The following B4GALNT3 variants were observed in gnomAD, a reference collection of about 807,000 sequenced individuals.
The protein encoded by B4GALNT3 is beta-1,4-N-acetylgalactosaminyltransferase 3.
In B4GALNT3, 86 loss-of-function variants were observed where a neutral mutation model predicts 120.2. The observed-to-expected ratio is 0.72, with a 90% CI of 0.60 to 0.86. The LOEUF is 0.86. B4GALNT3 is among the 40% of genes least tolerant of loss of function. The probability of loss-of-function intolerance (pLI) is 0.00; values close to 1 mark genes in which losing one functional copy is unlikely to be tolerated. For synonymous variants in B4GALNT3, 518 were observed against 510.4 expected (o/e 1.01, Z -0.20); for missense variants, 1,167 against 1,298.9 (o/e 0.90, Z 1.56).
intron 18 of B4GALNT3, 131 bp downstream of exon 18, chr12:558,792 C>T: frequency 3.0e-6 from 3 of 1,006,252 alleles, no homozygotes; most frequent in Non-Finnish European, 2.8e-6. Context: ...CTCCTGTGGC[C>T]TTCACTCCCC....
At chr12:561,137 G>A (rs1367004919) in intron 19 of B4GALNT3, among the ~76,000 whole-genome samples, 2 of 152,228 alleles carry the variant, frequency 1.3e-5, no homozygotes, top group African/African-American at 2.4e-5. Context: ...GAGATGAGCA[G>A]ACAGGCTCTG....
chr12:514,249 G>C (rs985095546), intron 1 of B4GALNT3, among the ~76,000 whole-genome samples: 6 of 148,098 alleles, frequency 4.1e-5, no homozygotes, highest in Middle Eastern at 6.9e-3. Flanking sequence ...CCAGGCTGGA[G>C]TGCAGTGGCG....
chr12:561,675 C>T lies in B4GALNT3; in HGVS notation c.*224C>T, dbSNP rs937901297. 19 of 528,892 alleles carry T rather than the reference C, an allele frequency of 3.6e-5. No individual in the cohort carries two copies. The highest frequency in any genetic ancestry group is 5.7e-5 in the African/African-American group (3 of 52,404). The allele number at this position is 528,892 out of a possible 1,614,324, so 32.8% of individuals were successfully genotyped here. On this transcript the variant is annotated 3_prime_UTR_variant, in exon 20 of 20. Transcript: ENST00000266383. ...AGAAGGGAGGACTTTGAGAGAGAGG[C>T]CAGGAGGGACCACTTGCTCAGTCGA...
At chr12:540,872 C>A (rs951173844) in intron 3 of B4GALNT3, among the ~76,000 whole-genome samples, 2 of 151,994 alleles carry the variant, frequency 1.3e-5, no homozygotes, top group East Asian at 3.9e-4. Context: ...GCCTCCCGAG[C>A]AGCTGGGACT....
chr12:467,254 C>A (rs2120419670), intron 1 of B4GALNT3, among the ~76,000 whole-genome samples: 1 of 152,226 alleles, frequency 6.6e-6, no homozygotes, highest in South Asian at 2.1e-4. Context: ...AAATGATATT[C>A]TTTATGATGA....
At chr12:552,292 T>TACACACAC (rs10604398) in intron 12 of B4GALNT3, 129 bp downstream of exon 12, 545 of 627,080 alleles carry the variant, frequency 8.7e-4, no homozygotes, top group East Asian at 4.7e-3. Flanking sequence ...TCCTGAGTAC[T>TACACACAC]ACACACACAC....
intron 1 of B4GALNT3, among the ~76,000 whole-genome samples, chr12:470,205 G>A (rs1164385181): frequency 2.0e-5 from 3 of 152,208 alleles, no homozygotes; most frequent in Non-Finnish European, 4.4e-5. Flanking sequence ...AGGCTCAGTC[G>A]CCTGAACCGA....
At chr12:472,156 G>T (rs1946143006) in intron 1 of B4GALNT3, among the ~76,000 whole-genome samples, 1 of 152,238 alleles carries the variant, frequency 6.6e-6, no homozygotes, top group African/African-American at 2.4e-5. Context: ...AAGTTCTGTA[G>T]TGCAGAGGCT....
rs1946972846 is a variant in B4GALNT3 at position 544,889 on chromosome 12, CA to C, written c.457del (p.Thr153ProfsTer2). ...LHFPLYPHIR[T>X]TLRKLAVSPK... The stretch of plus-strand genomic sequence containing the variant: ...TCCCCTTTCTTGGCATAGATTCGCA[CA>C]ACCCTGAGGAAGCTTGCTGTGTCCC... On this transcript the variant is annotated frameshift_variant, in exon 5 of 20. Coordinates refer to ENST00000266383, the MANE Select transcript of B4GALNT3 (RefSeq NM_173593.4). LOFTEE classifies it high-confidence loss of function. The C allele has an allele frequency of 6.2e-7, 1 of 1,613,926 alleles. No individual in the cohort carries two copies. The highest frequency in any genetic ancestry group is 1.1e-5 in the South Asian group (1 of 91,078).
intron 1 of B4GALNT3, among the ~76,000 whole-genome samples, chr12:516,883 A>G (rs967557423): frequency 1.3e-5 from 2 of 152,080 alleles, no homozygotes; most frequent in African/African-American, 4.8e-5. Context: ...CAGATTTTGG[A>G]TGGCTTTTGA....
Position 561,444 on chromosome 12 carries a change from C to T in B4GALNT3, c.2990C>T (p.Thr997Met), listed in dbSNP as rs375018510. ...ATGTGGAGCCGTCGCCAGATGAAGA[C>T]GCTGTAGCCGGAGGGTGTCCGCGGG... is the stretch of plus-strand genomic sequence containing the variant. ...RGMWSRRQMKTL is the reference protein window; with the variant it reads ...RGMWSRRQMKML The change falls in exon 20 of 20, where the codon ACG (threonine) becomes ATG (methionine). Residue 997 changes from threonine to methionine, a missense_variant. Coordinates refer to ENST00000266383, the MANE Select transcript of B4GALNT3 (RefSeq NM_173593.4). The T allele has an allele frequency of 2.2e-5, 36 of 1,611,712 alleles. No individual in the cohort carries two copies. The highest frequency in any genetic ancestry group is 2.5e-5 in the Non-Finnish European group (30 of 1,179,220).
intron 1 of B4GALNT3, among the ~76,000 whole-genome samples, chr12:479,487 C>G (rs1411664419): frequency 1.3e-5 from 2 of 152,064 alleles, no homozygotes; most frequent in African/African-American, 4.8e-5. Context: ...ACTTAGGGGA[C>G]CTTTGGTCAC....
intron 1 of B4GALNT3, among the ~76,000 whole-genome samples, chr12:511,711 A>C (rs1190693636): frequency 2.7e-5 from 2 of 74,230 alleles, no homozygotes; most frequent in African/African-American, 5.2e-5. Context: ...CCTTCCTTCC[A>C]CCTTCCGCCT....
At chr12:558,400 T>C in intron 17 of B4GALNT3, 108 bp from the exon 18 acceptor site, 2 of 1,078,930 alleles carry the variant, frequency 1.9e-6, no homozygotes, top group African/African-American at 1.6e-5. Context: ...TTGTGGGAGT[T>C]TGTGAATCAC....
intron 1 of B4GALNT3, among the ~76,000 whole-genome samples, chr12:512,652 TCCAC>T (rs1227584944): frequency 3.2e-5 from 4 of 124,266 alleles, no homozygotes; most frequent in Non-Finnish European, 6.7e-5. Context: ...CCTTCCACCT[TCCAC>T]CTTCTTCCAC....
At position 545,484 on chromosome 12, in the gene B4GALNT3, A is replaced by G; in HGVS notation, c.639+15A>G. On this transcript the variant is annotated intron_variant, in intron 6 of 19. Coordinates refer to ENST00000266383, the MANE Select transcript of B4GALNT3 (RefSeq NM_173593.4). Reference sequence around the variant, plus strand: ...GTGTGGGCAAGGTAAGGCCAGCTCAACCCCGGTCCCTCCCATCTGCTCCTG... The same window carrying G: ...GTGTGGGCAAGGTAAGGCCAGCTCAGCCCCGGTCCCTCCCATCTGCTCCTG... 1 of 1,580,140 alleles carries G rather than the reference A, an allele frequency of 6.3e-7. No individual in the cohort carries two copies. Among genetic ancestry groups the G allele is most frequent in the Non-Finnish European group, 8.6e-7 (1 of 1,162,408 alleles).
At chr12:470,012 T>A (rs1021852642) in intron 1 of B4GALNT3, among the ~76,000 whole-genome samples, 10 of 152,208 alleles carry the variant, frequency 6.6e-5, no homozygotes, top group African/African-American at 2.4e-4. Flanking sequence ...TTTGCCTGGT[T>A]TCCTGTCTAC....
rs1003713238 is a variant in B4GALNT3 at position 502,569 on chromosome 12, T to C, written c.170-32597T>C. On this transcript the variant is annotated intron_variant, in intron 1 of 19. Transcript: ENST00000266383. Reference sequence around the variant, plus strand: ...AAAGGAGAAACAGGCGGGTGAAAGATGAAATGTTAAGAGAAAGACTGAGGA... The same window carrying C: ...AAAGGAGAAACAGGCGGGTGAAAGACGAAATGTTAAGAGAAAGACTGAGGA... 2.0e-5 allele frequency among the ~76,000 whole-genome samples: 3 copies of C among 151,376 alleles called. No individual in the cohort carries two copies. In the South Asian group the frequency reaches 6.3e-4, roughly 32 times the overall value.
chr12:551,007 G>A lies in B4GALNT3; in HGVS notation c.1083G>A (p.Leu361=), dbSNP rs1485147603. 6.2e-7 allele frequency: 1 copy of A among 1,613,382 alleles called. No homozygotes were observed. Among genetic ancestry groups the A allele is most frequent in the East Asian group, 2.2e-5 (1 of 44,902 alleles). ...KPSYLVDGLP[L]QRYQGLRFVH... is the part of the protein sequence containing the mutation. ...GCTATCTGGTGGATGGGCTTCCTCT[G>A]CAGCGCTACCAGGGACTCCGGTTTG... is the stretch of plus-strand genomic sequence containing the variant. The change falls in exon 11 of 20, where the codon CTG becomes CTA. Residue 361 remains leucine, a synonymous_variant. Transcript: ENST00000266383.
Sources: gnomAD v4.1 joint callset for allele counts (sites outside exome capture counted in the v4.1 genomes callset) on GRCh38, gnomAD v4.1.1 for gene constraint, MANE v1.5 for transcripts, NCBI Gene and HGNC (gene_info 2026-07-23, HGNC 2026-07-21) for gene names.